The following PTPN13 variants were observed in gnomAD, a reference collection of about 807,000 sequenced individuals.
PTPN13 encodes tyrosine-protein phosphatase non-receptor type 13.
In PTPN13, 191 loss-of-function variants were observed where a neutral mutation model predicts 284.0. The ratio of observed to expected loss-of-function variants is 0.67; its 90% CI spans 0.60 to 0.76. The LOEUF (loss-of-function observed/expected upper bound fraction) is 0.76, where lower values mean the gene tolerates loss of function less well. PTPN13 is among the 30% of genes least tolerant of loss of function. The pLI, the probability that PTPN13 is intolerant of heterozygous loss-of-function variation, is 0.00. For synonymous variants in PTPN13, 986 were observed against 1,022.3 expected (o/e 0.96, Z 0.68); for missense variants, 2,797 against 2,939.9 (o/e 0.95, Z 1.12).
intron 30 of PTPN13, 23 bp downstream of exon 30, chr4:86,770,222 T>C (rs1460238572): frequency 6.3e-7 from 1 of 1,577,166 alleles, no homozygotes; most frequent in Non-Finnish European, 8.7e-7. Flanking sequence ...AAAAGTAATT[T>C]ACAGTTTTAT....
At chr4:86,708,882 T>C (rs1301468005) in intron 7 of PTPN13, among the ~76,000 whole-genome samples, 2 of 151,896 alleles carry the variant, frequency 1.3e-5, no homozygotes, top group African/African-American at 4.8e-5. Flanking sequence ...TCTCATCTTT[T>C]AGCATTTCCC....
chr4:86,607,702 A>G (rs1054029222), intron 1 of PTPN13, among the ~76,000 whole-genome samples: 1 of 152,016 alleles, frequency 6.6e-6, no homozygotes, highest in Non-Finnish European at 1.5e-5. Flanking sequence ...TTTCCCTAGA[A>G]AAGATGAAAG....
chr4:86,755,355 A>G (rs1377377385), intron 20 of PTPN13, among the ~76,000 whole-genome samples: 1 of 142,422 alleles, frequency 7.0e-6, no homozygotes, highest in African/African-American at 2.5e-5. Context: ...AAAGTTGCTC[A>G]ACTTAAAAAA....
rs532840217 is a variant in PTPN13, at chr4:86,723,488, A to C, written c.1608+1054A>C. On this transcript the variant is annotated intron_variant, in intron 10 of 47. Coordinates refer to ENST00000411767, the MANE Select transcript of PTPN13 (RefSeq NM_080683.3). ...TCCCCTCCTACCTGTCTGTGGAAAA[A>C]TTTTCTTCCACGGAACCTGTCCCTG... Among the ~76,000 whole-genome samples, 4 of 152,014 alleles carry C rather than the reference A, an allele frequency of 2.6e-5. No homozygotes were observed. The South Asian group carries it at 8.3e-4, about 32-fold the overall frequency.
chr4:86,786,675 A>G (rs1228219828), intron 40 of PTPN13, among the ~76,000 whole-genome samples: 1 of 152,184 alleles, frequency 6.6e-6, no homozygotes, highest in African/African-American at 2.4e-5. Context: ...TTTAGAGAAG[A>G]TTTTCTGAAC....
At chr4:86,775,696 C>A in intron 35 of PTPN13, 44 bp downstream of exon 35, 1 of 1,364,438 alleles carries the variant, frequency 7.3e-7, no homozygotes, top group Non-Finnish European at 1.0e-6. Flanking sequence ...CGTGTGTGTG[C>A]ATTTCAGGTC....
At chr4:86,608,313 G>T (rs1764975988) in intron 1 of PTPN13, among the ~76,000 whole-genome samples, 1 of 152,018 alleles carries the variant, frequency 6.6e-6, no homozygotes, top group Non-Finnish European at 1.5e-5. Flanking sequence ...AACAAATTAT[G>T]ATATTTTGCC....
rs1738863598 is a variant in PTPN13 at position 86,762,885 on chromosome 4, G to T, written c.3712G>T (p.Gly1238Cys). Reference sequence around the variant, plus strand: ...GGAGAACTCCTTTGGGCCATCTGGGGGCCTGCGGGAAGGAAGCCTGAGTTC... The same window carrying T: ...GGAGAACTCCTTTGGGCCATCTGGGTGCCTGCGGGAAGGAAGCCTGAGTTC... ...ISENSFGPSG[G>C]LREGSLSSQD... is the part of the protein sequence containing the mutation. Residue 1238 changes from glycine (G) to cysteine (C), a missense_variant, in exon 24 of 48, where the codon GGC becomes TGC. Transcript: ENST00000411767. 1 of 1,613,802 alleles carries T rather than the reference G, an allele frequency of 6.2e-7. No homozygotes were observed. The highest frequency in any genetic ancestry group is 8.5e-7 in the Non-Finnish European group (1 of 1,179,842).
At chr4:86,665,685 A>G (rs1176355303) in intron 2 of PTPN13, among the ~76,000 whole-genome samples, 1 of 152,220 alleles carries the variant, frequency 6.6e-6, no homozygotes, top group Non-Finnish European at 1.5e-5. Flanking sequence ...TGTACCTTAA[A>G]TCATTTGTAT....
At chr4:86,644,560 A>G (rs1357811866) in intron 2 of PTPN13, among the ~76,000 whole-genome samples, 1 of 151,824 alleles carries the variant, frequency 6.6e-6, no homozygotes, top group Non-Finnish European at 1.5e-5. Flanking sequence ...TACAAACACT[A>G]ATAGAACATT....
chr4:86,679,136 C>A (rs1238140419), intron 3 of PTPN13, among the ~76,000 whole-genome samples: 1 of 152,170 alleles, frequency 6.6e-6, no homozygotes, highest in Non-Finnish European at 1.5e-5. Flanking sequence ...CTGAGATATG[C>A]CACATACTTT....
At chr4:86,755,260 A>T (rs1737841897) in intron 20 of PTPN13, among the ~76,000 whole-genome samples, 1 of 152,024 alleles carries the variant, frequency 6.6e-6, no homozygotes, top group Admixed American at 6.6e-5. Context: ...AAAGATAAAA[A>T]AGTCATGATT....
At chr4:86,701,107 C>T (rs1565357343) in intron 6 of PTPN13, 134 bp from the exon 7 acceptor site, 1 of 623,238 alleles carries the variant, frequency 1.6e-6, no homozygotes. Flanking sequence ...CCATCATCAC[C>T]ATCCCATTTC....
At chr4:86,669,285 G>GTATATATATATATATATA (rs34939020) in intron 2 of PTPN13, among the ~76,000 whole-genome samples, 39 of 113,372 alleles carry the variant, frequency 3.4e-4, no homozygotes, top group African/African-American at 4.0e-4. Context: ...GGAAGAAGAT[G>GTATATATATATATATATA]TATATATATA....
At chr4:86,635,690 G>A (rs150576441) in intron 2 of PTPN13, among the ~76,000 whole-genome samples, 27 of 152,246 alleles carry the variant, frequency 1.8e-4, no homozygotes, top group Non-Finnish European at 3.5e-4. Flanking sequence ...TGGGCCAGGT[G>A]CGGTGGCTTA....
Position 86,762,859 on chromosome 4 carries a change from C to T in PTPN13, c.3686C>T (p.Ser1229Leu), listed in dbSNP as rs764223687. 3.7e-6 allele frequency: 6 copies of T among 1,613,936 alleles called. No individual in the cohort carries two copies. Among genetic ancestry groups the T allele is most frequent in the East Asian group, 2.2e-5 (1 of 44,878 alleles). ...TCACGTGGTACCCTGAGGCACATCTCGGAGAACTCCTTTGGGCCATCTGGG... is the reference window on the plus strand; with the variant it reads ...TCACGTGGTACCCTGAGGCACATCTTGGAGAACTCCTTTGGGCCATCTGGG... Reference protein sequence around the residue: ...HWSRGTLRHISENSFGPSGGL... With the variant: ...HWSRGTLRHILENSFGPSGGL... Residue 1229 changes from serine (S) to leucine (L), a missense_variant, in exon 24 of 48, where the codon TCG (serine) becomes TTG (leucine). By Grantham distance (145) the Ser-to-Leu change is moderately radical. Transcript: ENST00000411767.
At chr4:86,798,022 A>G (rs962460822) in intron 41 of PTPN13, among the ~76,000 whole-genome samples, 1 of 152,192 alleles carries the variant, frequency 6.6e-6, no homozygotes, top group African/African-American at 2.4e-5. Context: ...GTTAATCCCC[A>G]AAAAACTGAA....
In PTPN13 at chr4:86,803,816, C is replaced by G. The variant is rs774490423; in HGVS notation, c.6613C>G (p.Arg2205Gly). 4 of 1,613,760 alleles carry G rather than the reference C, an allele frequency of 2.5e-6. No homozygotes were observed. The African/African-American group carries it at 4.0e-5, about 16-fold the overall frequency. The change falls in exon 43 of 48, where the codon CGG becomes GGG. Residue 2205 changes from arginine to glycine, a missense_variant. Arg to Gly is a moderately radical substitution (Grantham distance 125, BLOSUM62 -2). Coordinates refer to ENST00000411767, the MANE Select transcript of PTPN13 (RefSeq NM_080683.3). ...ANLKSVIRVL[R>G]GLLDQGIPSK... ...CTTAAAATCAGTCATTCGAGTCCTG[C>G]GGGGTTTGCTAGATCAAGGAATTCC...
chr4:86,716,570 T>C lies in PTPN13; in HGVS notation c.1236T>C (p.Phe412=). ...RRYKTYHGDV[F]STSSESPSII... is the part of the protein sequence containing the mutation. ...ACAAAACTTATCATGGTGATGTCTT[T>C]AGTACCTCCAGTGAAAGTCCATCTA... The change falls in exon 8 of 48, where the codon TTT becomes TTC. Residue 412 remains phenylalanine (F), a synonymous_variant. Transcript: ENST00000411767. The C allele has an allele frequency of 1.9e-6, 3 of 1,600,110 alleles. No individual in the cohort carries two copies. Among genetic ancestry groups the C allele is most frequent in the Middle Eastern group, 3.3e-4 (2 of 6,038 alleles).
Sources: gnomAD v4.1 joint callset for allele counts (sites outside exome capture counted in the v4.1 genomes callset) on GRCh38, gnomAD v4.1.1 for gene constraint, MANE v1.5 for transcripts, NCBI Gene and HGNC (gene_info 2026-07-23, HGNC 2026-07-21) for gene names.